Variants in SLC25A25 observed in about 807,000 individuals in gnomAD.
SLC25A25 encodes the protein mitochondrial adenyl nucleotide antiporter SLC25A25.
Under a neutral mutation model 57.7 loss-of-function variants are expected in SLC25A25, and 32 were observed. The ratio of observed to expected loss-of-function variants is 0.55; its 90% confidence interval spans 0.42 to 0.74. The LOEUF (loss-of-function observed/expected upper bound fraction) is 0.74. Ranked by LOEUF, SLC25A25 falls within the 30% of genes least tolerant of loss-of-function variation. SLC25A25 has a pLI of 0.00. For synonymous variants in SLC25A25, 306 were observed against 291.2 expected, an observed-to-expected ratio of 1.05 and a Z score of -0.52; for missense variants, 556 against 701.3, an observed-to-expected ratio of 0.79 and a Z score of 2.34.
intron 1 of SLC25A25, among the ~76,000 whole-genome samples, chr9:128,070,555 TTTG>T (rs1414857716): frequency 2.6e-5 from 4 of 151,874 alleles, no homozygotes; most frequent in Admixed American, 2.6e-4. Flanking sequence ...ACAGGTTTTT[TTTG>T]TTTTGTTTTG....
At chr9:128,070,332 T>G (rs1298044180) in intron 1 of SLC25A25, among the ~76,000 whole-genome samples, 3 of 150,296 alleles carry the variant, frequency 2.0e-5, no homozygotes, top group Non-Finnish European at 4.4e-5. Flanking sequence ...TCTCCTGACC[T>G]TGTGATCCGC....
rs1588800667 is a variant in SLC25A25 at position 128,108,318 on chromosome 9, G to A, written c.*874G>A. On this transcript the variant is annotated 3_prime_UTR_variant, in exon 11 of 11. Coordinates refer to ENST00000373069, the MANE Select transcript of SLC25A25 (RefSeq NM_001330988.2). ...GTGTTGGAGGCCTTAATTATGGACT[G>A]TTGGGAAAAGGGTTTTGTCCAGAAG... 2.5e-6 allele frequency: 1 copy of A among 398,806 alleles called. No individual in the cohort carries two copies. Among genetic ancestry groups the A allele is most frequent in the Non-Finnish European group, 4.4e-6 (1 of 226,096 alleles). 24.7% of individuals were successfully genotyped at this position (398,806 alleles called of 1,614,324 possible).
intron 1 of SLC25A25, among the ~76,000 whole-genome samples, chr9:128,071,469 A>G (rs947226622): frequency 6.6e-6 from 1 of 152,028 alleles, no homozygotes; most frequent in Non-Finnish European, 1.5e-5. Flanking sequence ...GTGCAATGGA[A>G]TGATCTCAGC....
At chr9:128,074,857 T>C (rs1832977013) in intron 1 of SLC25A25, among the ~76,000 whole-genome samples, 3 of 151,768 alleles carry the variant, frequency 2.0e-5, no homozygotes, top group African/African-American at 7.3e-5. Context: ...AAAAATTGGC[T>C]GGGCACAGTG....
chr9:128,075,837 C>T (rs1331355298), intron 1 of SLC25A25, among the ~76,000 whole-genome samples: 2 of 152,154 alleles, frequency 1.3e-5, no homozygotes, highest in Non-Finnish European at 2.9e-5. Context: ...GTGCGAGACT[C>T]TGTCTCAAAA....
chr9:128,093,014 C>T (rs1588769184), intron 1 of SLC25A25, among the ~76,000 whole-genome samples: 1 of 152,190 alleles, frequency 6.6e-6, no homozygotes, highest in Non-Finnish European at 1.5e-5. Context: ...AATCTTTTTA[C>T]TTAGGAGAAA....
chr9:128,083,370 A>G (rs939163897), intron 1 of SLC25A25, among the ~76,000 whole-genome samples: 3 of 151,922 alleles, frequency 2.0e-5, no homozygotes, highest in African/African-American at 4.8e-5. Flanking sequence ...TGGCTGTGCC[A>G]GTCCTCATCA....
rs1158519115 is a variant in SLC25A25 at position 128,102,133 on chromosome 9, T to C, written c.512+18T>C. 3.2e-6 allele frequency: 5 copies of C among 1,550,448 alleles called. No individual in the cohort carries two copies. In the East Asian group the frequency reaches 7.3e-5, roughly 23 times the overall value. On this transcript the variant is annotated intron_variant, in intron 4 of 10. Transcript: ENST00000373069. The surrounding 1 kb of genome is among the most constrained non-coding windows in gnomAD (Gnocchi z 4.1). Reference sequence around the variant, plus strand: ...GTCACCTAGTAAGTATCCATGTCGCTCATGACTGCCTCCCTTGACTTCCAT... The same window carrying C: ...GTCACCTAGTAAGTATCCATGTCGCCCATGACTGCCTCCCTTGACTTCCAT...
At chr9:128,075,323 G>C (rs1241359116) in intron 1 of SLC25A25, among the ~76,000 whole-genome samples, 2 of 151,928 alleles carry the variant, frequency 1.3e-5, no homozygotes, top group Non-Finnish European at 2.9e-5. Flanking sequence ...GATATAAATA[G>C]AGAATGAGAG....
intron 1 of SLC25A25, among the ~76,000 whole-genome samples, chr9:128,090,339 A>G (rs539107420): frequency 6.6e-6 from 1 of 152,024 alleles, no homozygotes; most frequent in East Asian, 2.0e-4. Flanking sequence ...CAGCCTCCCA[A>G]GTAGCTGGGA....
intron 1 of SLC25A25, among the ~76,000 whole-genome samples, chr9:128,071,704 G>A (rs1344814619): frequency 6.8e-6 from 1 of 147,416 alleles, no homozygotes; most frequent in Non-Finnish European, 1.5e-5. Flanking sequence ...GAGCTACCGC[G>A]CCTGGCCTAT....
At position 128,101,967 on chromosome 9, in the gene SLC25A25, C is replaced by G; in HGVS notation, c.477-113C>G. Reference sequence around the variant, plus strand: ...CTCAGCTGCTGTGGCGGGCTCGTCTCGTGCCGTGCTGTGCCCCTGTCTCTG... The same window carrying G: ...CTCAGCTGCTGTGGCGGGCTCGTCTGGTGCCGTGCTGTGCCCCTGTCTCTG... On this transcript the variant is annotated intron_variant, in intron 3 of 10. Transcript: ENST00000373069. This position sits in a 1 kb window ranked among gnomAD's most constrained non-coding sequence, Gnocchi z 4.9. The G allele has an allele frequency of 8.1e-7, 1 of 1,236,992 alleles. No individual in the cohort carries two copies. 76.6% of individuals were successfully genotyped at this position (1,236,992 alleles called of 1,614,324 possible).
Position 128,068,266 on chromosome 9 carries a change from G to C in SLC25A25, c.-54G>C, listed in dbSNP as rs1832822283. 1 of 1,124,270 alleles carries C rather than the reference G, an allele frequency of 8.9e-7. No homozygotes were observed. Among genetic ancestry groups the C allele is most frequent in the African/African-American group, 1.6e-5 (1 of 61,120 alleles). The allele number at this position is 1,124,270 out of a possible 1,614,324, so 69.6% of individuals were successfully genotyped here. On this transcript the variant is annotated 5_prime_UTR_variant, in exon 1 of 11. Transcript: ENST00000373069. Reference sequence around the variant, plus strand: ...CTGGCTTGCCTCCCGCGCGGTCACCGCCGGCCCGCCGCCCCCGCTCCCGCC... The same window carrying C: ...CTGGCTTGCCTCCCGCGCGGTCACCCCCGGCCCGCCGCCCCCGCTCCCGCC...
At chr9:128,096,482 C>G (rs1833561254) in intron 1 of SLC25A25, among the ~76,000 whole-genome samples, 3 of 152,182 alleles carry the variant, frequency 2.0e-5, no homozygotes, top group Admixed American at 2.0e-4. Context: ...GCACTCCAGC[C>G]TGGGTGACAA....
rs766721428 is a variant in SLC25A25, at chr9:128,099,415, C to T, written c.262-1681C>T. 2.1e-5 allele frequency: 24 copies of T among 1,140,796 alleles called. No individual in the cohort carries two copies. In the African/African-American group the frequency reaches 2.4e-4, roughly 11 times the overall value. The allele number at this position is 1,140,796 out of a possible 1,614,324, so 70.7% of individuals were successfully genotyped here. On this transcript the variant is annotated intron_variant, in intron 1 of 10. Transcript: ENST00000373069. This position sits in a 1 kb window ranked among gnomAD's most constrained non-coding sequence, Gnocchi z 6.8. ...GCACACCCTCTGCTCTGGGTGTCTG[C>T]GACAGCACCCACCCCAGGGAGGCAT...
chr9:128,107,231 G>A lies in SLC25A25; in HGVS notation c.1364-29G>A, dbSNP rs1183944614. ...GGGAGGTCGGGGGGAGCGGACAGAA[G>A]CATCTGACTGGTGGCCTCCATCCTG... On this transcript the variant is annotated intron_variant, in intron 10 of 10. Transcript: ENST00000373069. 2.5e-6 allele frequency: 4 copies of A among 1,611,156 alleles called. No homozygotes were observed. The Admixed American group carries it at 6.7e-5, about 27-fold the overall frequency.
rs768535577 is a variant in SLC25A25 at position 128,068,278 on chromosome 9, C to A, written c.-42C>A. 1.1e-4 allele frequency: 138 copies of A among 1,201,122 alleles called. No individual in the cohort carries two copies. Among genetic ancestry groups the A allele is most frequent in the Non-Finnish European group, 1.4e-4 (137 of 946,402 alleles). 74.4% of individuals were successfully genotyped at this position (1,201,122 alleles called of 1,614,324 possible). Reference sequence around the variant, plus strand: ...CCGCGCGGTCACCGCCGGCCCGCCGCCCCCGCTCCCGCCCGCGCCCGGAGC... The same window carrying A: ...CCGCGCGGTCACCGCCGGCCCGCCGACCCCGCTCCCGCCCGCGCCCGGAGC... On this transcript the variant is annotated 5_prime_UTR_variant, in exon 1 of 11. Transcript: ENST00000373069.
chr9:128,099,078 A>G lies in SLC25A25; in HGVS notation c.262-2018A>G. ...ATGGGAGGAGAAGGCAGGGAGGCCCAGGAGTTGAGGGTGCTGCGTGGTGGA... is the reference window on the plus strand; with the variant it reads ...ATGGGAGGAGAAGGCAGGGAGGCCCGGGAGTTGAGGGTGCTGCGTGGTGGA... On this transcript the variant is annotated intron_variant, in intron 1 of 10. Transcript: ENST00000373069. This position sits in a 1 kb window ranked among gnomAD's most constrained non-coding sequence, Gnocchi z 6.8. 1.0e-6 allele frequency: 1 copy of G among 985,416 alleles called. No individual in the cohort carries two copies. Among genetic ancestry groups the G allele is most frequent in the Non-Finnish European group, 1.2e-6 (1 of 829,924 alleles). 61.0% of individuals were successfully genotyped at this position (985,416 alleles called of 1,614,324 possible).
At chr9:128,094,563 G>A (rs777046272) in intron 1 of SLC25A25, 5 of 152,234 alleles carry the variant, frequency 3.3e-5, no homozygotes, top group Non-Finnish European at 7.3e-5. Flanking sequence ...CCTTAAGGGT[G>A]GGTGGGGCTT....
Sources: allele counts gnomAD v4.1 joint callset (sites outside exome capture counted in the v4.1 genomes callset), GRCh38; gene constraint gnomAD v4.1.1; non-coding constraint Gnocchi (gnomAD v3.1); transcripts MANE v1.5; gene names NCBI Gene and HGNC (gene_info 2026-07-23, HGNC 2026-07-21).